Variants in CABCOCO1 observed in about 807,000 individuals in gnomAD.
The protein encoded by CABCOCO1 is ciliary-associated calcium-binding coiled-coil protein 1.
Under a neutral mutation model 35.7 loss-of-function variants are expected in CABCOCO1, and 28 were observed. That is an observed-to-expected ratio of 0.78 (90% CI 0.58 to 1.07). The LOEUF is 1.07. CABCOCO1 is among the 50% of genes least tolerant of loss of function. CABCOCO1 has a pLI of 0.00. For synonymous variants in CABCOCO1, 95 were observed against 100.1 expected (o/e 0.95, Z 0.30); for missense variants, 326 against 309.2 (o/e 1.05, Z -0.41).
chr10:61,692,731 C>G (rs940816502), intron 5 of CABCOCO1, among the ~76,000 whole-genome samples: 1 of 152,056 alleles, frequency 6.6e-6, no homozygotes, highest in South Asian at 2.1e-4. Flanking sequence ...AACAAGGAAC[C>G]CTTTTTGCTT....
At chr10:61,759,533 T>G (rs780920004) in intron 5 of CABCOCO1, among the ~76,000 whole-genome samples, 1 of 152,160 alleles carries the variant, frequency 6.6e-6, no homozygotes, top group South Asian at 2.1e-4. Context: ...CTGTGTGTTT[T>G]TGACAAATCT....
intron 5 of CABCOCO1, among the ~76,000 whole-genome samples, chr10:61,731,803 A>G (rs946629042): frequency 1.7e-5 from 2 of 117,642 alleles, no homozygotes; most frequent in Admixed American, 2.0e-4. Flanking sequence ...AAGGGGGGGA[A>G]AGTTTCTTTT....
At chr10:61,713,060 GA>G (rs1840771657) in intron 5 of CABCOCO1, among the ~76,000 whole-genome samples, 4 of 152,204 alleles carry the variant, frequency 2.6e-5, no homozygotes, top group African/African-American at 9.6e-5. Context: ...TTGGTAGTTT[GA>G]TGGGGATGGC....
chr10:61,721,149 C>A (rs1460369797), intron 5 of CABCOCO1, among the ~76,000 whole-genome samples: 1 of 151,720 alleles, frequency 6.6e-6, no homozygotes, highest in Non-Finnish European at 1.5e-5. Context: ...TGGTCTCGAT[C>A]TCCTGACCTC....
At chr10:61,761,103 C>T (rs1490654531) in intron 7 of CABCOCO1, 100 bp downstream of exon 7, 4 of 1,266,784 alleles carry the variant, frequency 3.2e-6, no homozygotes, top group East Asian at 2.4e-5. Context: ...CCAGCATGAG[C>T]GATGCTTATG....
intron 5 of CABCOCO1, among the ~76,000 whole-genome samples, chr10:61,758,887 C>T (rs893518955): frequency 2.0e-5 from 3 of 152,042 alleles, no homozygotes; most frequent in African/African-American, 7.2e-5. Context: ...CAAACCTTAG[C>T]TTCCAGCGCA....
rs942748822 is a variant in CABCOCO1 at position 61,766,477 on chromosome 10, A to T, written c.*464A>T. 6.6e-6 allele frequency: 1 copy of T among 151,652 alleles called. No individual in the cohort carries two copies. The highest frequency in any genetic ancestry group is 6.6e-5 in the Admixed American group (1 of 15,160). 9.4% of individuals were successfully genotyped at this position (151,652 alleles called of 1,614,324 possible). ...ACACTATTGAGGATAAAATTTGTTA[A>T]ACAATAGCAATTCAAATGCATATAT... On this transcript the variant is annotated 3_prime_UTR_variant, in exon 8 of 8. Coordinates refer to ENST00000648843, the MANE Select transcript of CABCOCO1 (RefSeq NM_001366906.2).
intron 5 of CABCOCO1, chr10:61,702,000 G>A (rs1840470460): frequency 5.2e-6 from 1 of 192,794 alleles, no homozygotes; most frequent in South Asian, 1.8e-4. Flanking sequence ...AGCCAGAAAT[G>A]GAAGGGATGA....
intron 5 of CABCOCO1, among the ~76,000 whole-genome samples, chr10:61,740,926 C>A (rs781115366): frequency 6.6e-6 from 1 of 152,092 alleles, no homozygotes; most frequent in East Asian, 1.9e-4. Context: ...GTGGGAGGAT[C>A]ATTTGAGGTC....
intron 5 of CABCOCO1, among the ~76,000 whole-genome samples, chr10:61,698,500 T>G (rs1840353213): frequency 2.0e-5 from 3 of 152,130 alleles, no homozygotes; most frequent in Admixed American, 6.6e-5. Flanking sequence ...TAAATATGCC[T>G]AAGTGCTTAC....
intron 1 of CABCOCO1, among the ~76,000 whole-genome samples, chr10:61,663,376 T>G (rs1312141289): frequency 6.6e-6 from 1 of 151,230 alleles, no homozygotes; most frequent in Non-Finnish European, 1.5e-5. Context: ...TTTTCATGTT[T>G]TTTTTTTTTT....
chr10:61,744,800 A>G (rs529997928), intron 5 of CABCOCO1, among the ~76,000 whole-genome samples: 1 of 152,194 alleles, frequency 6.6e-6, no homozygotes, highest in Non-Finnish European at 1.5e-5. Context: ...GGCAAACACC[A>G]TAGAGGTCTA....
intron 5 of CABCOCO1, among the ~76,000 whole-genome samples, chr10:61,693,658 A>C (rs1475088714): frequency 6.6e-6 from 1 of 152,218 alleles, no homozygotes; most frequent in East Asian, 1.9e-4. Context: ...GCTTTTTAAT[A>C]AAATTATACA....
At chr10:61,713,520 T>C (rs1840783293) in intron 5 of CABCOCO1, among the ~76,000 whole-genome samples, 2 of 152,320 alleles carry the variant, frequency 1.3e-5, no homozygotes, top group Admixed American at 1.3e-4. Flanking sequence ...CTTGCCTGAT[T>C]GCCCTGGCCA....
Position 61,730,592 on chromosome 10 carries a change from G to T in CABCOCO1, c.553-29467G>T, listed in dbSNP as rs538600904. ...TGCTGAACTTGGTAGGTGTAAGTTT[G>T]GTAAGGAATCAAATATTTAAAGCGT... is the stretch of plus-strand genomic sequence containing the variant. On this transcript the variant is annotated intron_variant, in intron 5 of 7. Transcript: ENST00000648843. Among the ~76,000 whole-genome samples the T allele has an allele frequency of 2.9e-4, 44 of 151,970 alleles. No homozygotes were observed. The South Asian group carries it at 9.0e-3, about 31-fold the overall frequency.
At chr10:61,722,937 A>G (rs1841058358) in intron 5 of CABCOCO1, among the ~76,000 whole-genome samples, 2 of 152,244 alleles carry the variant, frequency 1.3e-5, no homozygotes. Context: ...GCTTCAAATA[A>G]TTGATAATTG....
chr10:61,724,113 A>C (rs1292532655), intron 5 of CABCOCO1, among the ~76,000 whole-genome samples: 3 of 152,226 alleles, frequency 2.0e-5, no homozygotes, highest in African/African-American at 7.2e-5. Context: ...TCCCAAAAGA[A>C]TGACCCAAAT....
At chr10:61,711,112 C>T (rs575687369) in intron 5 of CABCOCO1, among the ~76,000 whole-genome samples, 1 of 151,676 alleles carries the variant, frequency 6.6e-6, no homozygotes, top group African/African-American at 2.4e-5. Context: ...TTAAACCGAA[C>T]TAAATCAGTT....
intron 5 of CABCOCO1, among the ~76,000 whole-genome samples, chr10:61,746,112 T>A (rs916143387): frequency 5.9e-5 from 9 of 152,214 alleles, no homozygotes; most frequent in Non-Finnish European, 8.8e-5. Flanking sequence ...GCCAGCAACC[T>A]TAGCCCTTCA....
Sources: allele counts gnomAD v4.1 joint callset (sites outside exome capture counted in the v4.1 genomes callset), GRCh38; gene constraint gnomAD v4.1.1; transcripts MANE v1.5; gene names NCBI Gene and HGNC (gene_info 2026-07-23, HGNC 2026-07-21).